Variants in ENG observed in about 807,000 individuals in gnomAD.
ENG encodes endoglin.
Under a neutral mutation model 71.0 loss-of-function variants are expected in ENG, and 17 were observed. That is an observed-to-expected ratio of 0.24 (90% CI 0.16 to 0.36). The LOEUF (loss-of-function observed/expected upper bound fraction) is 0.36. Ranked by LOEUF, ENG falls within the 10% of genes least tolerant of loss-of-function variation. The pLI is 1.00. For missense variants in ENG, 749 were observed against 868.3 expected (o/e 0.86, Z 1.73); for synonymous variants, 360 against 366.9 (o/e 0.98, Z 0.21).
intron 2 of ENG, among the ~76,000 whole-genome samples, chr9:127,831,474 G>A (rs948077746): frequency 6.7e-6 from 1 of 150,204 alleles, no homozygotes; most frequent in East Asian, 1.9e-4. Context: ...TGCAACCTTC[G>A]CGTACCAGGT....
intron 8 of ENG, among the ~76,000 whole-genome samples, chr9:127,822,901 C>T (rs1830500896): frequency 6.6e-6 from 1 of 152,096 alleles, no homozygotes; most frequent in Admixed American, 6.6e-5. Flanking sequence ...AGTGCAGTGG[C>T]ACAATCTCAG....
Position 127,818,773 on chromosome 9 carries a change from G to A in ENG, c.1371C>T (p.Ser457=). The change falls in exon 11 of 15, where the codon AGC becomes AGT. Residue 457 remains serine, a synonymous_variant. Transcript: ENST00000373203. The part of the protein sequence containing the change: ...SLSFQLGLYL[S]PHFLQASNTI... The stretch of plus-strand genomic sequence containing the variant: ...TGTTGGAGGCCTGGAGGAAGTGTGG[G>A]CTGAGGTAGAGGCCCAGCTGGAAAG... 6.2e-7 allele frequency: 1 copy of A among 1,614,122 alleles called. No homozygotes were observed. The highest frequency in any genetic ancestry group is 8.5e-7 in the Non-Finnish European group (1 of 1,180,008).
At chr9:127,837,073 A>C (rs1830918759) in intron 2 of ENG, among the ~76,000 whole-genome samples, 1 of 152,054 alleles carries the variant, frequency 6.6e-6, no homozygotes, top group Admixed American at 6.5e-5. Flanking sequence ...CAGGCGTGAG[A>C]CACCACGCCT....
At chr9:127,824,145 AG>A (rs1316508025) in intron 8 of ENG, among the ~76,000 whole-genome samples, 158 bp downstream of exon 8, 1 of 152,200 alleles carries the variant, frequency 6.6e-6, no homozygotes, top group Non-Finnish European at 1.5e-5. Context: ...ACCACGTGGT[AG>A]GTACCATTAT....
Position 127,818,794 on chromosome 9 carries a change from G to C in ENG, c.1350C>G (p.Phe450Leu). The stretch of plus-strand genomic sequence containing the variant: ...GTGGGCTGAGGTAGAGGCCCAGCTG[G>C]AAAGAGAGGCTGTCCATGTTGAGGC... ...VHCLNMDSLS[F>L]QLGLYLSPHF... is the part of the protein sequence containing the mutation. Residue 450 changes from phenylalanine to leucine, a missense_variant, in exon 11 of 15, where the codon TTC becomes TTG. Transcript: ENST00000373203. 11 of 1,614,166 alleles carry C rather than the reference G, an allele frequency of 6.8e-6. No homozygotes were observed. Among genetic ancestry groups the C allele is most frequent in the Non-Finnish European group, 9.3e-6 (11 of 1,180,012 alleles).
chr9:127,818,809 C>T lies in ENG; in HGVS notation c.1335G>A (p.Met445Ile), dbSNP rs777564305. 32 of 1,613,960 alleles carry T rather than the reference C, an allele frequency of 2.0e-5. No individual in the cohort carries two copies. The highest frequency in any genetic ancestry group is 2.6e-5 in the Non-Finnish European group (31 of 1,180,022). Residue 445 changes from methionine to isoleucine, a missense_variant, in exon 11 of 15, where the codon ATG becomes ATA. Met to Ile is a conservative substitution (Grantham distance 10, BLOSUM62 1). Transcript: ENST00000373203. ...PQRKKVHCLN[M>I]DSLSFQLGLY... is the part of the protein sequence containing the mutation. ...GGCCCAGCTGGAAAGAGAGGCTGTC[C>T]ATGTTGAGGCAGTGCACCTTTTTCT...
chr9:127,820,895 A>G (rs34116890), intron 8 of ENG, among the ~76,000 whole-genome samples: 47,755 of 151,950 alleles, frequency 0.31, 9,497 homozygotes, highest in Non-Finnish European at 0.43. Flanking sequence ...CACAGCCCCA[A>G]GGGCATGCAA....
intron 7 of ENG, 27 bp from the exon 8 acceptor site, chr9:127,824,473 CGGCT>C (rs1564455312): frequency 7.2e-7 from 1 of 1,380,322 alleles, no homozygotes; most frequent in Non-Finnish European, 9.8e-7. Context: ...GCAGGCCAGG[CGGCT>C]GGTCACTGTG....
intron 2 of ENG, among the ~76,000 whole-genome samples, chr9:127,840,534 C>A (rs1831006472): frequency 6.6e-6 from 1 of 152,202 alleles, no homozygotes; most frequent in African/African-American, 2.4e-5. Flanking sequence ...AAAAAACAAA[C>A]AAACAGAGTG....
At chr9:127,831,294 G>A (rs538872780) in intron 2 of ENG, among the ~76,000 whole-genome samples, 1 of 150,848 alleles carries the variant, frequency 6.6e-6, no homozygotes, top group South Asian at 2.1e-4. Context: ...CCGAGTAGCT[G>A]GAACTGCAGG....
At chr9:127,848,321 G>T (rs931241862) in intron 1 of ENG, among the ~76,000 whole-genome samples, 23 of 151,356 alleles carry the variant, frequency 1.5e-4, no homozygotes, top group African/African-American at 4.9e-4. Context: ...TCGGGGTCTT[G>T]CTCTGTTTCC....
At chr9:127,849,952 C>T (rs868739753) in intron 1 of ENG, among the ~76,000 whole-genome samples, 6 of 152,230 alleles carry the variant, frequency 3.9e-5, no homozygotes, top group Non-Finnish European at 7.3e-5. Context: ...ACACATACCA[C>T]GCTTAGAGCA....
chr9:127,825,403 G>C (rs1411441543), intron 5 of ENG, 46 bp from the exon 6 acceptor site: 1 of 1,603,614 alleles, frequency 6.2e-7, no homozygotes, highest in East Asian at 2.2e-5. Context: ...GGACAGGCCA[G>C]GCGGGGAGCG....
rs1428057393 is a variant in ENG, at chr9:127,833,526, A to G, written c.220-3699T>C. 1.2e-4 allele frequency among the ~76,000 whole-genome samples: 17 copies of G among 140,378 alleles called. No homozygotes were observed. In the East Asian group the frequency reaches 4.0e-3, roughly 33 times the overall value. The allele number at this position is 140,378 out of a possible 152,430, so 92.1% of individuals were successfully genotyped here. A position where few individuals can be genotyped will look rare whatever the true frequency, so the allele number is the denominator to read the frequency against. On this transcript the variant is annotated intron_variant, in intron 2 of 14. Transcript: ENST00000373203. ...AGCAAGAGTGAAACTCCGCCTCAAA[A>G]AAAAAAAAAAAAAAAAAAAAGACAG...
rs768299099 is a variant in ENG, at chr9:127,843,206, C to T, written c.107G>A (p.Gly36Asp). Reference sequence around the variant, plus strand: ...ATATGTCACCTCGCCCCTCTCGGGGCCCACAGGCTGAAGGTCACAATGGAC... The same window carrying T: ...ATATGTCACCTCGCCCCTCTCGGGGTCCACAGGCTGAAGGTCACAATGGAC... The part of the protein sequence containing the change: ...ETVHCDLQPV[G>D]PERGEVTYTT... The change falls in exon 2 of 15, where the codon GGC (glycine) becomes GAC (aspartate). Residue 36 changes from glycine (G) to aspartate (D), a missense_variant. Transcript: ENST00000373203. The T allele has an allele frequency of 6.2e-7, 1 of 1,614,226 alleles. No individual in the cohort carries two copies. Among genetic ancestry groups the T allele is most frequent in the South Asian group, 1.1e-5 (1 of 91,082 alleles).
chr9:127,825,371 G>T lies in ENG; in HGVS notation c.690-14C>A. On this transcript the variant is annotated splice_polypyrimidine_tract_variant and intron_variant, in intron 5 of 14. Transcript: ENST00000373203. ...ACCGTCCGGGGCCTGCGGGGAGACA[G>T]ACGCGGATGGAACACTGAAGCGGAC... The T allele has an allele frequency of 6.2e-7, 1 of 1,608,738 alleles. No homozygotes were observed. The highest frequency in any genetic ancestry group is 8.5e-7 in the Non-Finnish European group (1 of 1,179,606).
At position 127,829,712 on chromosome 9, in the gene ENG, A is replaced by G. The variant is rs543577643; in HGVS notation, c.335T>C (p.Leu112Pro). 6.2e-7 allele frequency: 1 copy of G among 1,614,106 alleles called. No homozygotes were observed. The highest frequency in any genetic ancestry group is 1.7e-5 in the Admixed American group (1 of 60,000). Residue 112 changes from leucine to proline, a missense_variant, in exon 3 of 15, where the codon CTG becomes CCG. Transcript: ENST00000373203. ...GTAGGCCAAGTGCAGTGGGATTCCC[A>G]GGGCCTGGAGATGCAGGAAGACACT... ...NSSVFLHLQALGIPLHLAYNS... is the reference protein window; with the variant it reads ...NSSVFLHLQAPGIPLHLAYNS...
chr9:127,820,750 G>A (rs1266337046), intron 8 of ENG, among the ~76,000 whole-genome samples: 2 of 151,422 alleles, frequency 1.3e-5, no homozygotes, highest in East Asian at 2.0e-4. Flanking sequence ...AATGGCGTGA[G>A]CCCGGGAGGC....
At chr9:127,828,388 C>A (rs1408025680) in intron 3 of ENG, among the ~76,000 whole-genome samples, 1 of 152,218 alleles carries the variant, frequency 6.6e-6, no homozygotes, top group African/African-American at 2.4e-5. Context: ...GGTCGGCCAC[C>A]GAGGCCGCGC....
Sources: gnomAD v4.1 joint callset for allele counts (sites outside exome capture counted in the v4.1 genomes callset) on GRCh38, gnomAD v4.1.1 for gene constraint, MANE v1.5 for transcripts, NCBI Gene and HGNC (gene_info 2026-07-23, HGNC 2026-07-21) for gene names.